Variants in ADGRB3 observed in about 807,000 individuals in gnomAD.
The protein encoded by ADGRB3 is brain-specific angiogenesis inhibitor 3.
ADGRB3 carries 37 observed loss-of-function variants against 193.4 expected under a neutral mutation model. The ratio of observed to expected loss-of-function variants is 0.19; its 90% CI spans 0.15 to 0.25. The LOEUF (loss-of-function observed/expected upper bound fraction) is 0.25. Among genes scored for constraint, ADGRB3 ranks in the 10% least tolerant of loss-of-function variants. The pLI, the probability that ADGRB3 is intolerant of heterozygous loss-of-function variation, is 1.00. For synonymous variants in ADGRB3, 690 were observed against 644.2 expected, an observed-to-expected ratio of 1.07 and a Z score of -1.08; for missense variants, 1,637 against 1,852.9, an observed-to-expected ratio of 0.88 and a Z score of 2.14.
At chr6:68,740,494 T>C (rs1226060846) in intron 3 of ADGRB3, among the ~76,000 whole-genome samples, 3 of 152,132 alleles carry the variant, frequency 2.0e-5, no homozygotes, top group Non-Finnish European at 4.4e-5. Flanking sequence ...AAACATCAAT[T>C]TGTATCAATA....
chr6:68,751,834 G>A (rs1240662238), intron 3 of ADGRB3, among the ~76,000 whole-genome samples: 14 of 152,146 alleles, frequency 9.2e-5, no homozygotes, highest in Admixed American at 8.5e-4. Flanking sequence ...AGCATATGTG[G>A]TTATTTATTG....
intron 3 of ADGRB3, among the ~76,000 whole-genome samples, chr6:68,666,862 G>T (rs1035091818): frequency 6.6e-6 from 1 of 151,696 alleles, no homozygotes; most frequent in Non-Finnish European, 1.5e-5. Context: ...CAATGATTGA[G>T]ATAATGGGAT....
intron 17 of ADGRB3, among the ~76,000 whole-genome samples, chr6:69,180,229 A>G (rs143375791): frequency 3.5e-4 from 53 of 152,304 alleles, no homozygotes; most frequent in African/African-American, 1.1e-3. Context: ...TCCCTTCTAC[A>G]TTAGGATCCC....
intron 3 of ADGRB3, among the ~76,000 whole-genome samples, chr6:68,868,949 G>A (rs1431268398): frequency 1.3e-5 from 2 of 151,412 alleles, no homozygotes; most frequent in Non-Finnish European, 2.9e-5. Flanking sequence ...GTGAGTGTGT[G>A]TGTTTAAACT....
At chr6:69,101,267 G>A (rs1026516086) in intron 17 of ADGRB3, among the ~76,000 whole-genome samples, 1 of 152,018 alleles carries the variant, frequency 6.6e-6, no homozygotes, top group Non-Finnish European at 1.5e-5. Context: ...AACGCATATA[G>A]CATGTATGGA....
At chr6:69,179,370 T>C (rs894924550) in intron 17 of ADGRB3, among the ~76,000 whole-genome samples, 1 of 152,202 alleles carries the variant, frequency 6.6e-6, no homozygotes, top group Non-Finnish European at 1.5e-5. Context: ...TGTGTATCCC[T>C]TCTCCATTTC....
chr6:68,940,546 A>ATTTTTTTTTTT (rs1199654794), intron 5 of ADGRB3, among the ~76,000 whole-genome samples: 1 of 21,834 alleles, frequency 4.6e-5, no homozygotes, highest in African/African-American at 1.2e-4. Flanking sequence ...ATGCTTTTGA[A>ATTTTTTTTTTT]CTTTTTTTTT....
At chr6:68,818,974 C>T (rs1767690383) in intron 3 of ADGRB3, among the ~76,000 whole-genome samples, 1 of 152,110 alleles carries the variant, frequency 6.6e-6, no homozygotes, top group South Asian at 2.1e-4. Context: ...GAACAATGCA[C>T]ATGGCAGATG....
At chr6:68,965,455 TG>T (rs1768353958) in intron 8 of ADGRB3, among the ~76,000 whole-genome samples, 2 of 79,732 alleles carry the variant, frequency 2.5e-5, no homozygotes, top group Admixed American at 2.3e-4. Context: ...GTTTTTTTTT[TG>T]TGTGTGTGTA....
chr6:68,708,446 A>G (rs983405622), intron 3 of ADGRB3, among the ~76,000 whole-genome samples: 7 of 152,150 alleles, frequency 4.6e-5, no homozygotes, highest in Non-Finnish European at 8.8e-5. Flanking sequence ...CTTCTTTGAA[A>G]GCATTTCTAT....
At chr6:69,218,452 A>G (rs1391159887) in intron 17 of ADGRB3, among the ~76,000 whole-genome samples, 1 of 152,204 alleles carries the variant, frequency 6.6e-6, no homozygotes, top group Non-Finnish European at 1.5e-5. Context: ...AGGTGCATAA[A>G]TGTGAACAAT....
At chr6:68,655,177 T>C (rs1447396150) in intron 3 of ADGRB3, among the ~76,000 whole-genome samples, 1 of 151,366 alleles carries the variant, frequency 6.6e-6, no homozygotes, top group Non-Finnish European at 1.5e-5. Context: ...AAAACAAAGA[T>C]TGTTGTAAGA....
At chr6:68,820,361 T>C (rs1767726711) in intron 3 of ADGRB3, among the ~76,000 whole-genome samples, 1 of 151,994 alleles carries the variant, frequency 6.6e-6, no homozygotes, top group East Asian at 1.9e-4. Flanking sequence ...TTTAAGAGTA[T>C]ATAGTAGACA....
chr6:68,860,835 T>G (rs1490182542), intron 3 of ADGRB3, among the ~76,000 whole-genome samples: 1 of 152,094 alleles, frequency 6.6e-6, no homozygotes, highest in Non-Finnish European at 1.5e-5. Context: ...CCAAAGAACT[T>G]GTACTGATAT....
At chr6:69,117,826 T>A (rs1175082840) in intron 17 of ADGRB3, among the ~76,000 whole-genome samples, 1 of 152,178 alleles carries the variant, frequency 6.6e-6, no homozygotes, top group Non-Finnish European at 1.5e-5. Context: ...AAGAACACAC[T>A]TTTTCTTCAC....
intron 3 of ADGRB3, among the ~76,000 whole-genome samples, chr6:68,908,314 A>G (rs1405570101): frequency 6.6e-6 from 1 of 152,082 alleles, no homozygotes. Flanking sequence ...AGGGTCCACA[A>G]TGACTACCTT....
chr6:69,114,548 A>G (rs1332418736), intron 17 of ADGRB3, among the ~76,000 whole-genome samples: 1 of 152,094 alleles, frequency 6.6e-6, no homozygotes, highest in Non-Finnish European at 1.5e-5. Context: ...TTTTGTTGCC[A>G]TTGGTTTTGG....
intron 3 of ADGRB3, among the ~76,000 whole-genome samples, chr6:68,916,956 A>T (rs1217804904): frequency 6.6e-6 from 1 of 152,146 alleles, no homozygotes; most frequent in African/African-American, 2.4e-5. Flanking sequence ...CTTGTAAAGG[A>T]TCTGTCCCTG....
chr6:69,260,985 A>G (rs1189688859), intron 20 of ADGRB3, among the ~76,000 whole-genome samples: 2 of 152,198 alleles, frequency 1.3e-5, no homozygotes, highest in East Asian at 3.8e-4. Flanking sequence ...CTCAGTAAAT[A>G]CAATGAAGAA....
Sources: gnomAD v4.1 joint callset for allele counts (sites outside exome capture counted in the v4.1 genomes callset) on GRCh38, gnomAD v4.1.1 for gene constraint, MANE v1.5 for transcripts, NCBI Gene and HGNC (gene_info 2026-07-23, HGNC 2026-07-21) for gene names.